Variants in WDPCP observed in about 807,000 individuals in gnomAD.
The protein encoded by WDPCP is WD repeat-containing and planar cell polarity effector protein fritz homolog.
In WDPCP, 71 loss-of-function variants were observed where a neutral mutation model predicts 93.1. The ratio of observed to expected loss-of-function variants is 0.76; its 90% CI spans 0.63 to 0.93. WDPCP has a LOEUF of 0.93. Ranked by LOEUF, WDPCP falls within the 40% of genes least tolerant of loss-of-function variation. The probability of loss-of-function intolerance (pLI) is 0.00; values close to 1 mark genes in which losing one functional copy is unlikely to be tolerated. For missense variants in WDPCP, 844 were observed against 887.4 expected, an observed-to-expected ratio of 0.95 and a Z score of 0.62; for synonymous variants, 315 against 315.0, an observed-to-expected ratio of 1.00 and a Z score of 0.00.
chr2:63,245,979 T>A (rs772626975), intron 14 of WDPCP, among the ~76,000 whole-genome samples: 20 of 152,102 alleles, frequency 1.3e-4, no homozygotes, highest in Non-Finnish European at 2.9e-4. Context: ...TATAAAGCAG[T>A]GGACAGATTC....
At chr2:63,447,387 T>G (rs1404066465) in intron 6 of WDPCP, among the ~76,000 whole-genome samples, 1 of 152,168 alleles carries the variant, frequency 6.6e-6, no homozygotes, top group Non-Finnish European at 1.5e-5. Flanking sequence ...TTATTCAGTA[T>G]TTTTCTATAA....
At chr2:63,695,765 A>G (rs751181906) in intron 2 of WDPCP, among the ~76,000 whole-genome samples, 7 of 152,264 alleles carry the variant, frequency 4.6e-5, no homozygotes, top group Admixed American at 2.0e-4. Context: ...ACCCCCTAGA[A>G]GCCTCCCTTG....
chr2:63,800,870 A>G (rs535414260), intron 2 of WDPCP, among the ~76,000 whole-genome samples: 1 of 152,190 alleles, frequency 6.6e-6, no homozygotes, highest in East Asian at 1.9e-4. Flanking sequence ...CCTGGGCAAC[A>G]GAGAGAAACC....
chr2:63,296,341 C>A (rs1285718074), intron 13 of WDPCP, among the ~76,000 whole-genome samples: 2 of 152,076 alleles, frequency 1.3e-5, no homozygotes, highest in African/African-American at 4.8e-5. Flanking sequence ...AAACATCATA[C>A]TGAATGGAGA....
At chr2:63,351,532 GT>G (rs1424450042) in intron 12 of WDPCP, among the ~76,000 whole-genome samples, 1 of 152,014 alleles carries the variant, frequency 6.6e-6, no homozygotes, top group African/African-American at 2.4e-5. Flanking sequence ...GTGGCACTTG[GT>G]TTTTGTTCCT....
At chr2:63,300,369 G>A (rs955934831) in intron 13 of WDPCP, among the ~76,000 whole-genome samples, 7 of 152,090 alleles carry the variant, frequency 4.6e-5, no homozygotes, top group East Asian at 1.9e-4. Flanking sequence ...AGAGGGGAGC[G>A]AACTCCAACT....
chr2:63,481,048 A>C (rs556360180), intron 6 of WDPCP, among the ~76,000 whole-genome samples: 2 of 152,154 alleles, frequency 1.3e-5, no homozygotes, highest in African/African-American at 4.8e-5. Flanking sequence ...AAGAAAAAAA[A>C]CAAACAATCC....
At chr2:63,374,600 T>A (rs1691692572) in intron 12 of WDPCP, among the ~76,000 whole-genome samples, 1 of 152,192 alleles carries the variant, frequency 6.6e-6, no homozygotes, top group Non-Finnish European at 1.5e-5. Flanking sequence ...AGAACTGTTT[T>A]AGTCACAAAA....
chr2:63,743,717 T>A (rs1229692731), intron 2 of WDPCP, among the ~76,000 whole-genome samples: 3 of 152,246 alleles, frequency 2.0e-5, no homozygotes, highest in Non-Finnish European at 4.4e-5. Flanking sequence ...GATTACATTG[T>A]AGACCTTGTG....
intron 14 of WDPCP, among the ~76,000 whole-genome samples, chr2:63,204,398 A>G (rs577535855): frequency 1.4e-5 from 2 of 145,608 alleles, no homozygotes; most frequent in East Asian, 4.0e-4. Context: ...CTGGAGTGCA[A>G]TGGTGCAGTC....
At chr2:63,168,107 CAAAAAAAAAAAA>C (rs957507138) in intron 15 of WDPCP, among the ~76,000 whole-genome samples, 3 of 53,546 alleles carry the variant, frequency 5.6e-5, no homozygotes, top group Non-Finnish European at 9.9e-5. Flanking sequence ...GAGACCCTGC[CAAAAAAAAAAAA>C]AAAAAAAAAG....
chr2:63,393,208 A>G (rs1347731992), intron 10 of WDPCP, among the ~76,000 whole-genome samples: 1 of 152,232 alleles, frequency 6.6e-6, no homozygotes, highest in East Asian at 1.9e-4. Flanking sequence ...TGCCGCCATA[A>G]AAAAGGATGA....
the WDPCP span, among the ~76,000 whole-genome samples, chr2:63,835,111 G>A: frequency 6.6e-6 from 1 of 151,642 alleles, no homozygotes; most frequent in Non-Finnish European, 1.5e-5. Flanking sequence ...CAGAAGCCAG[G>A]CGTCATGGCT....
At chr2:63,131,921 C>CA (rs1670321548) in intron 17 of WDPCP, among the ~76,000 whole-genome samples, 2 of 151,126 alleles carry the variant, frequency 1.3e-5, no homozygotes, top group Non-Finnish European at 1.5e-5. Flanking sequence ...CTGCAACCTC[C>CA]ACCTCCCAGG....
intron 2 of WDPCP, among the ~76,000 whole-genome samples, chr2:63,671,240 T>C (rs1710343737): frequency 6.6e-6 from 1 of 152,146 alleles, no homozygotes; most frequent in African/African-American, 2.4e-5. Context: ...GACTCTGAAA[T>C]CCATCATCAC....
At chr2:63,668,359 A>C (rs910366174) in intron 2 of WDPCP, among the ~76,000 whole-genome samples, 21 of 152,256 alleles carry the variant, frequency 1.4e-4, no homozygotes, top group Middle Eastern at 6.8e-3. Context: ...CCATAAACCA[A>C]TTGTTTTACA....
intron 2 of WDPCP, among the ~76,000 whole-genome samples, chr2:63,783,232 C>T (rs1270662448): frequency 6.6e-6 from 1 of 151,014 alleles, no homozygotes; most frequent in Admixed American, 6.6e-5. Flanking sequence ...GACAATATGG[C>T]AAGACTCTGT....
intron 2 of WDPCP, among the ~76,000 whole-genome samples, chr2:63,795,587 A>C (rs1283004448): frequency 2.0e-5 from 3 of 151,976 alleles, no homozygotes; most frequent in African/African-American, 7.2e-5. Flanking sequence ...GACAGAAAGA[A>C]GGAAAGAAAG....
intron 2 of WDPCP, among the ~76,000 whole-genome samples, chr2:63,667,595 TATC>T (rs1292229984): frequency 6.6e-6 from 1 of 152,212 alleles, no homozygotes; most frequent in South Asian, 2.1e-4. Context: ...CTCTCCCTGT[TATC>T]ATGTTTTCTT....
Sources: gnomAD v4.1 joint callset for allele counts (sites outside exome capture counted in the v4.1 genomes callset) on GRCh38, gnomAD v4.1.1 for gene constraint, MANE v1.5 for transcripts, NCBI Gene and HGNC (gene_info 2026-07-23, HGNC 2026-07-21) for gene names.